Variants in SDK1 observed in about 807,000 individuals in gnomAD.
SDK1 encodes the protein protein sidekick-1.
In SDK1, 157 loss-of-function variants were observed where a neutral mutation model predicts 245.5. The ratio of observed to expected loss-of-function variants is 0.64; its 90% CI spans 0.56 to 0.73. The LOEUF is 0.73. Ranked by LOEUF, SDK1 falls within the 30% of genes least tolerant of loss-of-function variation. The pLI, the probability that SDK1 is intolerant of heterozygous loss-of-function variation, is 0.00. For missense variants in SDK1, 3,583 were observed against 3,002.3 expected, an observed-to-expected ratio of 1.19 and a Z score of -4.52; for synonymous variants, 1,647 against 1,278.5, an observed-to-expected ratio of 1.29 and a Z score of -6.15.
chr7:4,106,860 G>A (rs918938988), intron 22 of SDK1, among the ~76,000 whole-genome samples: 9 of 151,984 alleles, frequency 5.9e-5, no homozygotes, highest in African/African-American at 1.7e-4. Context: ...CCCCGCAGCA[G>A]CCCCTGTGGC....
At chr7:4,005,393 AGTGTGTGTGTGTGTGTGT>A (rs71032920) in intron 14 of SDK1, among the ~76,000 whole-genome samples, 18 of 129,816 alleles carry the variant, frequency 1.4e-4, no homozygotes, top group African/African-American at 3.2e-4. Context: ...TTCTTATGTG[AGTGTGTGTGTGTGTGTGT>A]GTGTGTGTGT....
intron 28 of SDK1, among the ~76,000 whole-genome samples, chr7:4,136,265 C>T (rs1235373291): frequency 5.9e-5 from 9 of 152,148 alleles, no homozygotes; most frequent in South Asian, 2.1e-4. Flanking sequence ...TCATTACAGC[C>T]GGCACACCAC....
chr7:4,246,408 C>T (rs977950140), intron 44 of SDK1, among the ~76,000 whole-genome samples: 7 of 152,228 alleles, frequency 4.6e-5, no homozygotes, highest in Non-Finnish European at 5.9e-5. Context: ...CTCGGAGGCC[C>T]ATTCTCTCTC....
intron 1 of SDK1, among the ~76,000 whole-genome samples, chr7:3,325,244 A>G (rs547075331): frequency 9.9e-5 from 15 of 152,114 alleles, no homozygotes; most frequent in African/African-American, 1.9e-4. Flanking sequence ...TGATCTGAGC[A>G]TTAATAGCCT....
At chr7:3,939,507 A>G (rs1270324936) in intron 5 of SDK1, among the ~76,000 whole-genome samples, 21 of 152,170 alleles carry the variant, frequency 1.4e-4, no homozygotes, top group Admixed American at 1.4e-3. Flanking sequence ...AGTGTATTTC[A>G]GTTTCCACAA....
chr7:3,416,289 G>C (rs1779363343), intron 1 of SDK1, among the ~76,000 whole-genome samples: 1 of 152,058 alleles, frequency 6.6e-6, no homozygotes, highest in Admixed American at 6.6e-5. Context: ...GTTCAGGGAG[G>C]AGTTGGTCTC....
chr7:3,321,797 C>CTTCCTTCCTTCT, intron 1 of SDK1, among the ~76,000 whole-genome samples: 1 of 115,302 alleles, frequency 8.7e-6, no homozygotes, highest in Admixed American at 9.6e-5. Context: ...TCCTTCCTTC[C>CTTCCTTCCTTCT]TTCCTTCCTT....
chr7:4,017,466 G>A (rs1786504850), intron 17 of SDK1, 114 bp downstream of exon 17: 2 of 862,062 alleles, frequency 2.3e-6, no homozygotes, highest in East Asian at 2.8e-5. Flanking sequence ...CCCCTAGGGA[G>A]CGTTTACAAG....
Position 3,301,594 on chromosome 7 carries a change from G to C in SDK1, c.8G>C (p.Arg3Pro), listed in dbSNP as rs1262699193. 19 of 972,972 alleles carry C rather than the reference G, an allele frequency of 2.0e-5. No individual in the cohort carries two copies. The South Asian group carries it at 6.5e-4, about 33-fold the overall frequency. The allele number at this position is 972,972 out of a possible 1,614,324, so 60.3% of individuals were successfully genotyped here. The change falls in exon 1 of 45, where the codon CGG (arginine) becomes CCG (proline). Residue 3 changes from arginine (R) to proline (P), a missense_variant. Coordinates refer to ENST00000404826, the MANE Select transcript of SDK1 (RefSeq NM_152744.4). MA[R>P]GARPSAAGGG... ...GGGTGGCGGCTGCTCGGCATGGCCC[G>C]GGGCGCCCGGCCCTCGGCGGCCGGT...
At chr7:3,893,440 C>T (rs982176659) in intron 5 of SDK1, among the ~76,000 whole-genome samples, 1 of 151,996 alleles carries the variant, frequency 6.6e-6, no homozygotes, top group Admixed American at 6.6e-5. Flanking sequence ...GATAAATGAG[C>T]CGGTGCATGC....
chr7:4,051,947 A>G (rs2128166916), intron 19 of SDK1, 117 bp downstream of exon 19: 2 of 862,298 alleles, frequency 2.3e-6, no homozygotes, highest in Non-Finnish European at 3.6e-6. Context: ...GGATTTTTGG[A>G]GTGCTTGCAG....
chr7:3,733,484 G>T (rs1002733567), intron 4 of SDK1, among the ~76,000 whole-genome samples: 1 of 152,210 alleles, frequency 6.6e-6, no homozygotes, highest in African/African-American at 2.4e-5. Flanking sequence ...AGGGCTGGAA[G>T]TTACAAGTTG....
intron 40 of SDK1, 71 bp downstream of exon 40, chr7:4,221,435 G>C (rs1157734685): frequency 1.7e-5 from 26 of 1,496,242 alleles, no homozygotes; most frequent in Non-Finnish European, 2.2e-5. Context: ...TGTGTCGGGG[G>C]CTTCCATCAC....
At position 3,322,534 on chromosome 7, in the gene SDK1, C is replaced by G. The variant is rs142499679; in HGVS notation, c.298+20650C>G. ...GGTCATATGGCAATCCTGTGTTTCA[C>G]TTTTCAAGGAACCACCAAACTCTCT... On this transcript the variant is annotated intron_variant, in intron 1 of 44. Coordinates refer to ENST00000404826, the MANE Select transcript of SDK1 (RefSeq NM_152744.4). Among the ~76,000 whole-genome samples, 1,145 of 152,268 alleles carry G rather than the reference C, an allele frequency of 7.5e-3. 6 individuals are homozygous for G. The highest frequency in any genetic ancestry group is 0.012 in the Non-Finnish European group (790 of 68,026).
At chr7:3,408,193 A>G (rs1229867214) in intron 1 of SDK1, among the ~76,000 whole-genome samples, 1 of 151,888 alleles carries the variant, frequency 6.6e-6, no homozygotes, top group Non-Finnish European at 1.5e-5. Context: ...ATGTGCCACC[A>G]TGCCTGGCCA....
chr7:3,869,012 C>T (rs1045811190), intron 5 of SDK1, among the ~76,000 whole-genome samples: 3 of 152,016 alleles, frequency 2.0e-5, no homozygotes, highest in Non-Finnish European at 2.9e-5. Context: ...ATTTCTCATT[C>T]GGGAAAAACA....
chr7:3,316,949 G>A (rs758335846), intron 1 of SDK1, among the ~76,000 whole-genome samples: 30 of 151,986 alleles, frequency 2.0e-4, no homozygotes, highest in African/African-American at 5.6e-4. Flanking sequence ...GGAGGCTGAG[G>A]TGGGCAGATC....
rs564791686 is a variant in SDK1 at position 3,821,669 on chromosome 7, A to C, written c.847+86A>C. 2.0e-5 allele frequency: 30 copies of C among 1,464,100 alleles called. No homozygotes were observed. In the African/African-American group the frequency reaches 3.8e-4, roughly 19 times the overall value. The allele number at this position is 1,464,100 out of a possible 1,614,324, so 90.7% of individuals were successfully genotyped here. On this transcript the variant is annotated intron_variant, in intron 5 of 44. Coordinates refer to ENST00000404826, the MANE Select transcript of SDK1 (RefSeq NM_152744.4). ...ACCACTGTCTGACAGGACATTTTGC[A>C]ATAAATTTTCTCTCTCTAGTGTAGT... is the stretch of plus-strand genomic sequence containing the variant.
At chr7:3,648,638 G>T (rs1181071311) in intron 4 of SDK1, among the ~76,000 whole-genome samples, 2 of 152,202 alleles carry the variant, frequency 1.3e-5, no homozygotes, top group Admixed American at 6.5e-5. Context: ...TGCATTGGAA[G>T]TCACAACTTA....
Sources: gnomAD v4.1 joint callset for allele counts (sites outside exome capture counted in the v4.1 genomes callset) on GRCh38, gnomAD v4.1.1 for gene constraint, MANE v1.5 for transcripts, NCBI Gene and HGNC (gene_info 2026-07-23, HGNC 2026-07-21) for gene names.